Variants in RCAN2 observed in about 807,000 individuals in gnomAD.
RCAN2 encodes the protein regulator of calcineurin 2.
A neutral mutation model predicts 23.6 loss-of-function variants in RCAN2; 9 were observed. The ratio of observed to expected loss-of-function variants is 0.38; its 90% CI spans 0.23 to 0.67. The LOEUF is 0.67. Ranked by LOEUF, RCAN2 falls within the 30% of genes least tolerant of loss-of-function variation. The probability of loss-of-function intolerance (pLI) is 0.51; values close to 1 mark genes in which losing one functional copy is unlikely to be tolerated. For missense variants in RCAN2, 273 were observed against 302.3 expected, an observed-to-expected ratio of 0.90 and a Z score of 0.72; for synonymous variants, 109 against 115.7, an observed-to-expected ratio of 0.94 and a Z score of 0.37.
chr6:46,389,553 G>T (rs529651952), intron 2 of RCAN2, among the ~76,000 whole-genome samples: 1 of 152,204 alleles, frequency 6.6e-6, no homozygotes, highest in African/African-American at 2.4e-5. Context: ...GCTAGATCAT[G>T]TGCTAGTCAT....
At chr6:46,228,529 T>C (rs961598528) in intron 4 of RCAN2, among the ~76,000 whole-genome samples, 30 of 152,210 alleles carry the variant, frequency 2.0e-4, no homozygotes, top group African/African-American at 7.2e-4. Context: ...CATTATGTAA[T>C]GGCCTTCTTT....
chr6:46,360,299 G>A (rs1398556354), intron 2 of RCAN2, among the ~76,000 whole-genome samples: 3 of 151,980 alleles, frequency 2.0e-5, no homozygotes, highest in African/African-American at 4.8e-5. Context: ...TTGGGAGGCC[G>A]AGGTGGGCGG....
chr6:46,449,366 G>A (rs1036160215), intron 2 of RCAN2, among the ~76,000 whole-genome samples: 1 of 151,318 alleles, frequency 6.6e-6, no homozygotes, highest in Non-Finnish European at 1.5e-5. Context: ...TCAGAGGCTA[G>A]AAGAATTAGT....
At position 46,270,193 on chromosome 6, in the gene RCAN2, G is replaced by A. The variant is rs1323386563; in HGVS notation, c.226-21297C>T. ...GCCAGGAGGAGTCAAGTGAGTATAG[G>A]GCCCCAGGACTAAGCCCACCAGAGT... On this transcript the variant is annotated intron_variant, in intron 2 of 4. Transcript: ENST00000371374. Among the ~76,000 whole-genome samples, 3 of 152,186 alleles carry A rather than the reference G, an allele frequency of 2.0e-5. No homozygotes were observed. In the East Asian group the frequency reaches 5.8e-4, roughly 30 times the overall value.
At position 46,246,925 on chromosome 6, in the gene RCAN2, A is replaced by G. The variant is rs1253008984; in HGVS notation, c.400-6T>C. ...TCTGTCTCTGGAGTCTGAACCTTTC[A>G]AATAGAGTAGAGATGAAGAAACTTA... On this transcript the variant is annotated splice_region_variant and splice_polypyrimidine_tract_variant and intron_variant, in intron 3 of 4. Coordinates refer to ENST00000371374, the MANE Select transcript of RCAN2 (RefSeq NM_001251974.2). The G allele has an allele frequency of 4.6e-6, 7 of 1,532,942 alleles. No individual in the cohort carries two copies. The highest frequency in any genetic ancestry group is 5.3e-6 in the Non-Finnish European group (6 of 1,139,014). 95.0% of individuals were successfully genotyped at this position (1,532,942 alleles called of 1,614,324 possible). A position where few individuals can be genotyped will look rare whatever the true frequency, so the allele number is the denominator to read the frequency against.
intron 2 of RCAN2, among the ~76,000 whole-genome samples, chr6:46,309,239 G>A (rs1245917648): frequency 6.6e-6 from 1 of 152,142 alleles, no homozygotes; most frequent in African/African-American, 2.4e-5. Flanking sequence ...TCATAGATAA[G>A]CAAAGAGAGG....
intron 4 of RCAN2, among the ~76,000 whole-genome samples, chr6:46,236,013 G>A (rs765112629): frequency 6.6e-6 from 1 of 152,212 alleles, no homozygotes; most frequent in Non-Finnish European, 1.5e-5. Context: ...ACAGACATAT[G>A]TGTCAAATAC....
At chr6:46,396,839 C>T (rs1489006031) in intron 2 of RCAN2, among the ~76,000 whole-genome samples, 3 of 152,050 alleles carry the variant, frequency 2.0e-5, no homozygotes, top group Non-Finnish European at 2.9e-5. Flanking sequence ...TGGCTGGGTG[C>T]GGTGGCTCAG....
chr6:46,474,460 A>G (rs1180435242), intron 1 of RCAN2, among the ~76,000 whole-genome samples: 1 of 152,194 alleles, frequency 6.6e-6, no homozygotes, highest in Non-Finnish European at 1.5e-5. Context: ...TGCTATTAAT[A>G]TCATAATAAA....
At chr6:46,467,072 C>T (rs367717949) in intron 1 of RCAN2, among the ~76,000 whole-genome samples, 5 of 152,236 alleles carry the variant, frequency 3.3e-5, no homozygotes, top group South Asian at 2.1e-4. Flanking sequence ...TATTGTCTTG[C>T]GCTTGCACCT....
intron 2 of RCAN2, among the ~76,000 whole-genome samples, chr6:46,260,954 G>A (rs1201425270): frequency 6.6e-6 from 1 of 151,982 alleles, no homozygotes; most frequent in Admixed American, 6.5e-5. Flanking sequence ...TTATGCAAAG[G>A]AAGGATCTGA....
chr6:46,270,918 A>G (rs1168375667), intron 2 of RCAN2, among the ~76,000 whole-genome samples: 1 of 152,178 alleles, frequency 6.6e-6, no homozygotes, highest in Non-Finnish European at 1.5e-5. Flanking sequence ...TTCCCCAGTC[A>G]AACCTTGAGA....
At chr6:46,271,385 A>G (rs1182925223) in intron 2 of RCAN2, among the ~76,000 whole-genome samples, 3 of 152,232 alleles carry the variant, frequency 2.0e-5, no homozygotes, top group East Asian at 3.8e-4. Context: ...TGAAGCCCAC[A>G]CACGCTATGA....
chr6:46,388,015 A>T (rs1472249107), intron 2 of RCAN2, among the ~76,000 whole-genome samples: 1 of 150,952 alleles, frequency 6.6e-6, no homozygotes, highest in Non-Finnish European at 1.5e-5. Flanking sequence ...AAAAAACCAA[A>T]CACCGCACGT....
intron 2 of RCAN2, among the ~76,000 whole-genome samples, chr6:46,321,331 C>T (rs943136870): frequency 3.3e-5 from 5 of 152,168 alleles, no homozygotes; most frequent in Admixed American, 6.5e-5. Context: ...ATATATGCTC[C>T]GTGAGGGCAG....
At chr6:46,467,447 G>C (rs1768418553) in intron 1 of RCAN2, among the ~76,000 whole-genome samples, 1 of 152,224 alleles carries the variant, frequency 6.6e-6, no homozygotes. Flanking sequence ...CACCATGAGT[G>C]TTCAGTAAGT....
intron 2 of RCAN2, among the ~76,000 whole-genome samples, chr6:46,374,989 C>T (rs181111335): frequency 6.6e-6 from 1 of 152,294 alleles, no homozygotes; most frequent in Non-Finnish European, 1.5e-5. Context: ...TCACTGCAAC[C>T]TCTGCCTCCC....
At chr6:46,458,896 C>CGCGTGT (rs57335093) in intron 1 of RCAN2, among the ~76,000 whole-genome samples, 9 of 150,036 alleles carry the variant, frequency 6.0e-5, no homozygotes, top group Admixed American at 4.6e-4. Flanking sequence ...CGCGCGCGCA[C>CGCGTGT]GTGTGTGTGT....
intron 4 of RCAN2, among the ~76,000 whole-genome samples, chr6:46,242,289 C>T (rs895978671): frequency 1.3e-5 from 2 of 152,202 alleles, no homozygotes; most frequent in Non-Finnish European, 1.5e-5. Context: ...TAAAGAACTA[C>T]AGACTGTTTT....
Sources: gnomAD v4.1 joint callset for allele counts (sites outside exome capture counted in the v4.1 genomes callset) on GRCh38, gnomAD v4.1.1 for gene constraint, MANE v1.5 for transcripts, NCBI Gene and HGNC (gene_info 2026-07-23, HGNC 2026-07-21) for gene names.